SLC24A2: variants seen among roughly 807,000 people sequenced by gnomAD.
SLC24A2 encodes the protein sodium/potassium/calcium exchanger 2.
Under a neutral mutation model 62.0 loss-of-function variants are expected in SLC24A2, and 36 were observed. The ratio of observed to expected loss-of-function variants is 0.58; its 90% CI spans 0.44 to 0.77. The LOEUF is 0.77. Ranked by LOEUF, SLC24A2 falls within the 30% of genes least tolerant of loss-of-function variation. The probability of loss-of-function intolerance (pLI) is 0.00; values close to 1 mark genes in which losing one functional copy is unlikely to be tolerated. For missense variants in SLC24A2, 846 were observed against 817.9 expected, an observed-to-expected ratio of 1.03 and a Z score of -0.42; for synonymous variants, 358 against 294.0, an observed-to-expected ratio of 1.22 and a Z score of -2.23.
At chr9:19,788,731 G>C in intron 1 of SLC24A2, 154 bp downstream of exon 1, 1 of 985,452 alleles carries the variant, frequency 1.0e-6, no homozygotes, top group Non-Finnish European at 1.2e-6. Flanking sequence ...AGCACAGAGA[G>C]TTGGCTAACT....
chr9:19,540,595 T>TC (rs1291609911), intron 8 of SLC24A2, among the ~76,000 whole-genome samples: 7 of 147,204 alleles, frequency 4.8e-5, no homozygotes, highest in African/African-American at 1.8e-4. Flanking sequence ...TGATGGGCTT[T>TC]CCTTTGAGGG....
chr9:19,780,253 G>C (rs544957502), intron 2 of SLC24A2, among the ~76,000 whole-genome samples: 8 of 148,444 alleles, frequency 5.4e-5, no homozygotes, highest in African/African-American at 2.0e-4. Context: ...AAATACACAG[G>C]TTAAAATTGC....
intron 2 of SLC24A2, among the ~76,000 whole-genome samples, chr9:19,779,085 T>C (rs1480773911): frequency 6.6e-6 from 1 of 152,142 alleles, no homozygotes; most frequent in African/African-American, 2.4e-5. Context: ...AGAAGGTAGA[T>C]ATAAAGAAAT....
chr9:19,781,468 A>G lies in SLC24A2; in HGVS notation c.930+4469T>C, dbSNP rs1300664275. Among the ~76,000 whole-genome samples, 3 of 152,310 alleles carry G rather than the reference A, an allele frequency of 2.0e-5. No homozygotes were observed. In the East Asian group the frequency reaches 5.8e-4, roughly 29 times the overall value. ...GTTGCCAGGGGAAACCAGAATAGCA[A>G]GGGAAATGGCCAAGGGCAATTTGAA... On this transcript the variant is annotated intron_variant, in intron 2 of 10. Transcript: ENST00000341998.
intron 2 of SLC24A2, among the ~76,000 whole-genome samples, chr9:19,729,128 A>G (rs1210378320): frequency 6.6e-6 from 1 of 152,216 alleles, no homozygotes; most frequent in African/African-American, 2.4e-5. Context: ...CAGCAAATAT[A>G]TGAAAAAATG....
the SLC24A2 span, among the ~76,000 whole-genome samples, chr9:20,189,069 T>G: frequency 7.8e-6 from 1 of 128,260 alleles, no homozygotes; most frequent in Non-Finnish European, 1.5e-5. Context: ...GGCTTTTCTT[T>G]TTTTTTCTTT....
the SLC24A2 span, among the ~76,000 whole-genome samples, chr9:20,138,731 T>G: frequency 6.6e-6 from 1 of 152,150 alleles, no homozygotes; most frequent in Non-Finnish European, 1.5e-5. Context: ...TAAAATACCT[T>G]TTTCAGGGTT....
intron 5 of SLC24A2, among the ~76,000 whole-genome samples, chr9:19,592,499 T>C (rs2039024): frequency 0.23 from 13,247 of 58,192 alleles, 645 homozygotes; most frequent in Non-Finnish European, 0.26. Context: ...CCTACCCACC[T>C]ACCTACCTAC....
intron 7 of SLC24A2, among the ~76,000 whole-genome samples, chr9:19,551,570 C>T (rs529710983): frequency 6.6e-6 from 1 of 152,272 alleles, no homozygotes; most frequent in Admixed American, 6.5e-5. Context: ...TCAACAGGAA[C>T]TTTTCCACTG....
chr9:19,721,283 G>A (rs951854612), intron 2 of SLC24A2, among the ~76,000 whole-genome samples: 2 of 152,084 alleles, frequency 1.3e-5, no homozygotes, highest in Non-Finnish European at 2.9e-5. Flanking sequence ...TAGAGACCCA[G>A]AGCAAAATGA....
At chr9:20,205,391 G>T in the SLC24A2 span, among the ~76,000 whole-genome samples, 1 of 152,124 alleles carries the variant, frequency 6.6e-6, no homozygotes, top group African/African-American at 2.4e-5. Flanking sequence ...GTTTACACCT[G>T]TAATCTCAGC....
chr9:19,835,611 C>G, the SLC24A2 span, among the ~76,000 whole-genome samples: 4 of 152,210 alleles, frequency 2.6e-5, no homozygotes, highest in East Asian at 7.7e-4. Context: ...ACTTAGACTC[C>G]CATACAATAA....
chr9:19,629,169 C>G (rs1818110759), intron 2 of SLC24A2, among the ~76,000 whole-genome samples: 1 of 152,176 alleles, frequency 6.6e-6, no homozygotes, highest in Non-Finnish European at 1.5e-5. Flanking sequence ...ACATAGCCAG[C>G]AAGTGGCAGA....
At chr9:20,001,152 T>G in the SLC24A2 span, among the ~76,000 whole-genome samples, 9 of 152,216 alleles carry the variant, frequency 5.9e-5, no homozygotes, top group African/African-American at 1.7e-4. Context: ...GCACTTCGTT[T>G]CTGATGGCAG....
the SLC24A2 span, among the ~76,000 whole-genome samples, chr9:19,965,150 A>G: frequency 6.6e-6 from 1 of 152,074 alleles, no homozygotes; most frequent in African/African-American, 2.4e-5. Context: ...AGTGGAAGAG[A>G]AAAGGTAGAA....
At chr9:20,076,744 G>A in the SLC24A2 span, among the ~76,000 whole-genome samples, 97,273 of 151,236 alleles carry the variant, frequency 0.64, 32,435 homozygotes, top group East Asian at 0.94. Context: ...GGAGAAAAGT[G>A]CCAAAAAAAA....
At chr9:19,589,789 A>G (rs1031893033) in intron 5 of SLC24A2, among the ~76,000 whole-genome samples, 2 of 152,154 alleles carry the variant, frequency 1.3e-5, no homozygotes, top group East Asian at 3.9e-4. Flanking sequence ...TGCAAGATCA[A>G]GTTTTCATAG....
Position 19,513,816 on chromosome 9 carries a change from A to C in SLC24A2, c.*2337T>G, listed in dbSNP as rs762545403. 1.3e-5 allele frequency: 2 copies of C among 152,230 alleles called. No homozygotes were observed. The highest frequency in any genetic ancestry group is 3.8e-4 in the East Asian group (2 of 5,198). The allele number at this position is 152,230 out of a possible 1,614,324, so 9.4% of individuals were successfully genotyped here. ...AACTTGGTTGCCCTTCAAGAAATAC[A>C]CAGGGAAAACAACTGGAGTTTTTAA... On this transcript the variant is annotated 3_prime_UTR_variant, in exon 11 of 11. Transcript: ENST00000341998.
the SLC24A2 span, among the ~76,000 whole-genome samples, chr9:19,947,196 G>C: frequency 6.6e-6 from 1 of 152,180 alleles, no homozygotes; most frequent in South Asian, 2.1e-4. Context: ...TATTGAGAAA[G>C]CTAAAACAAA....
Sources: allele counts gnomAD v4.1 joint callset (sites outside exome capture counted in the v4.1 genomes callset), GRCh38; gene constraint gnomAD v4.1.1; transcripts MANE v1.5; gene names NCBI Gene and HGNC (gene_info 2026-07-23, HGNC 2026-07-21).